The following AKAP13 variants were observed in gnomAD, a reference collection of about 807,000 sequenced individuals.
The protein encoded by AKAP13 is A-kinase anchoring protein 13.
A neutral mutation model predicts 264.5 loss-of-function variants in AKAP13; 80 were observed. That is an observed-to-expected ratio of 0.30 (90% CI 0.25 to 0.36). AKAP13 has a LOEUF of 0.36. Ranked by LOEUF, AKAP13 falls within the 10% of genes least tolerant of loss-of-function variation. The pLI, the probability that AKAP13 is intolerant of heterozygous loss-of-function variation, is 1.00. For missense variants in AKAP13, 3,712 were observed against 3,435.2 expected (o/e 1.08, Z -2.01); for synonymous variants, 1,380 against 1,250.2 (o/e 1.10, Z -2.19).
Position 85,523,404 on chromosome 15 carries a change from G to T in AKAP13, c.181+1829G>T, listed in dbSNP as rs543362715. On this transcript the variant is annotated intron_variant, in intron 3 of 36. Coordinates refer to ENST00000394518, the MANE Select transcript of AKAP13 (RefSeq NM_007200.5). ...TAAACTTCTTTAAATCTGCCTTTGT[G>T]GACTTAGACTTGTGTGTTCCCTTCC... is the stretch of plus-strand genomic sequence containing the variant. 2.0e-5 allele frequency among the ~76,000 whole-genome samples: 3 copies of T among 152,208 alleles called. No homozygotes were observed. The South Asian group carries it at 6.2e-4, about 32-fold the overall frequency.
chr15:85,536,708 A>G (rs1174367684), intron 4 of AKAP13: 1 of 152,254 alleles, frequency 6.6e-6, no homozygotes, highest in Admixed American at 6.5e-5. Context: ...ATGCGGGAAA[A>G]TGAAGTCAGT....
chr15:85,464,422 G>GAA (rs2074647126), intron 1 of AKAP13, among the ~76,000 whole-genome samples: 1 of 152,106 alleles, frequency 6.6e-6, no homozygotes. Context: ...TGTAGAATAT[G>GAA]GATAATATCT....
chr15:85,706,600 T>C (rs1478234340), intron 17 of AKAP13, among the ~76,000 whole-genome samples: 1 of 152,244 alleles, frequency 6.6e-6, no homozygotes, highest in East Asian at 1.9e-4. Context: ...TGTTACTAAA[T>C]TGATGTTTGA....
chr15:85,674,820 A>ATG (rs1171256973), intron 14 of AKAP13, among the ~76,000 whole-genome samples: 1 of 144,554 alleles, frequency 6.9e-6, no homozygotes, highest in Non-Finnish European at 1.6e-5. Context: ...TTACTGAAAT[A>ATG]TGTATGTGTG....
intron 1 of AKAP13, among the ~76,000 whole-genome samples, chr15:85,484,175 A>C (rs977968175): frequency 1.2e-4 from 18 of 152,230 alleles, no homozygotes; most frequent in Non-Finnish European, 1.6e-4. Context: ...GCTTAATTGT[A>C]AATTAAATGG....
chr15:85,467,002 G>T (rs2074765319), intron 1 of AKAP13, among the ~76,000 whole-genome samples: 1 of 151,488 alleles, frequency 6.6e-6, no homozygotes, highest in Admixed American at 6.6e-5. Flanking sequence ...TCCTAGGTTT[G>T]TTAAGTAAAT....
At chr15:85,722,865 T>C (rs570252580) in intron 25 of AKAP13, among the ~76,000 whole-genome samples, 5 of 152,228 alleles carry the variant, frequency 3.3e-5, no homozygotes, top group Non-Finnish European at 7.3e-5. Flanking sequence ...TTGCATATTA[T>C]TTATATCATT....
intron 1 of AKAP13, among the ~76,000 whole-genome samples, chr15:85,390,173 C>T (rs2070784251): frequency 6.6e-6 from 1 of 152,120 alleles, no homozygotes; most frequent in South Asian, 2.1e-4. Flanking sequence ...AATTCAGTGA[C>T]ATCTGTAGTT....
intron 1 of AKAP13, among the ~76,000 whole-genome samples, chr15:85,441,253 A>G (rs964756334): frequency 3.9e-5 from 6 of 151,908 alleles, no homozygotes; most frequent in African/African-American, 9.7e-5. Flanking sequence ...ATGACCAATA[A>G]TGTTAAGCTT....
intron 2 of AKAP13, among the ~76,000 whole-genome samples, chr15:85,497,843 T>C (rs1257973984): frequency 6.6e-6 from 1 of 152,076 alleles, no homozygotes; most frequent in African/African-American, 2.4e-5. Flanking sequence ...TGGAGATCTT[T>C]TGACCAGGCA....
rs184136467 is a variant in AKAP13 at position 85,582,503 on chromosome 15, A to G, written c.4039+396A>G. 2.6e-5 allele frequency among the ~76,000 whole-genome samples: 4 copies of G among 152,310 alleles called. No individual in the cohort carries two copies. In the East Asian group the frequency reaches 5.8e-4, roughly 22 times the overall value. On this transcript the variant is annotated intron_variant, in intron 7 of 36. Transcript: ENST00000394518. The stretch of plus-strand genomic sequence containing the variant: ...AAACAGTGCCAAAAAGCTGTGTTTT[A>G]TCTACAAGCCTGAAACTCCCTTCCT...
intron 1 of AKAP13, among the ~76,000 whole-genome samples, chr15:85,407,291 G>T (rs576458743): frequency 1.4e-5 from 2 of 147,726 alleles, no homozygotes; most frequent in Non-Finnish European, 3.0e-5. Flanking sequence ...GCAGTGGTGC[G>T]ATCTGGGCTC....
intron 18 of AKAP13, among the ~76,000 whole-genome samples, chr15:85,709,453 G>T (rs1381804618): frequency 6.6e-6 from 1 of 152,002 alleles, no homozygotes; most frequent in Non-Finnish European, 1.5e-5. Flanking sequence ...CTTTAGACAG[G>T]ATATGCCAGT....
chr15:85,549,986 G>A (rs560113606), intron 5 of AKAP13, among the ~76,000 whole-genome samples: 8 of 152,140 alleles, frequency 5.3e-5, no homozygotes, highest in East Asian at 1.9e-4. Context: ...GCATGATTCC[G>A]GCTCACTGCA....
At position 85,718,901 on chromosome 15, in the gene AKAP13, A is replaced by AC; in HGVS notation, c.6002-175_6002-174insC. On this transcript the variant is annotated intron_variant, in intron 22 of 36. Transcript: ENST00000394518. This position sits in a 1 kb window ranked among gnomAD's most constrained non-coding sequence, Gnocchi z 4.9. ...GTGACAGAGCCAGAACCTGTCTTAA[A>AC]AAAAAAACAAAAAAACAAAAAAACG... The AC allele has an allele frequency of 1.1e-6, 1 of 907,034 alleles. No homozygotes were observed. Among genetic ancestry groups the AC allele is most frequent in the Non-Finnish European group, 1.6e-6 (1 of 626,586 alleles). 56.2% of individuals were successfully genotyped at this position (907,034 alleles called of 1,614,324 possible).
chr15:85,741,697 TAAAAAAA>T (rs56782497), intron 35 of AKAP13, among the ~76,000 whole-genome samples: 16 of 106,320 alleles, frequency 1.5e-4, no homozygotes, highest in African/African-American at 2.6e-4. Flanking sequence ...CTGTCTCTCC[TAAAAAAA>T]AAAAAAAAAA....
intron 17 of AKAP13, among the ~76,000 whole-genome samples, chr15:85,704,149 C>T (rs1175445341): frequency 6.6e-6 from 1 of 152,124 alleles, no homozygotes; most frequent in African/African-American, 2.4e-5. Context: ...CATCTGTAGG[C>T]AGAACAGTCA....
rs536990243 is a variant in AKAP13 at position 85,497,095 on chromosome 15, A to G, written c.33+11342A>G. Among the ~76,000 whole-genome samples, 228 of 152,306 alleles carry G rather than the reference A, an allele frequency of 1.5e-3. 1 individual carries two copies. The Middle Eastern group carries it at 0.031, about 20-fold the overall frequency. ...TCAATAACTGGGTGTTTGCCAAGCT[A>G]TCACATAACAGTGAGGGGATTAAAA... On this transcript the variant is annotated intron_variant, in intron 2 of 36. Coordinates refer to ENST00000394518, the MANE Select transcript of AKAP13 (RefSeq NM_007200.5).
intron 16 of AKAP13, among the ~76,000 whole-genome samples, chr15:85,690,283 T>TCC (rs1361925660): frequency 6.6e-6 from 1 of 152,230 alleles, no homozygotes; most frequent in Non-Finnish European, 1.5e-5. Context: ...GATAAGCTGG[T>TCC]TGCCATAAAA....
Sources: gnomAD v4.1 joint callset for allele counts (sites outside exome capture counted in the v4.1 genomes callset) on GRCh38, gnomAD v4.1.1 for gene constraint, Gnocchi (gnomAD v3.1) non-coding constraint, MANE v1.5 for transcripts, NCBI Gene and HGNC (gene_info 2026-07-23, HGNC 2026-07-21) for gene names.